C6orf52: variants seen among roughly 807,000 people sequenced by gnomAD.
The protein encoded by C6orf52 is chromosome 6 open reading frame 52.
Under a neutral mutation model 16.6 loss-of-function variants are expected in C6orf52, and 16 were observed. That is an observed-to-expected ratio of 0.96 (90% CI 0.65 to 1.46). C6orf52 has a LOEUF of 1.46. C6orf52 is among the 40% of genes most tolerant of loss of function. C6orf52 has a pLI of 0.00. For missense variants in C6orf52, 166 were observed against 182.3 expected, an observed-to-expected ratio of 0.91 and a Z score of 0.52; for synonymous variants, 53 against 61.4, an observed-to-expected ratio of 0.86 and a Z score of 0.64.
chr6:10,673,925 T>C (rs1010430376), intron 4 of C6orf52, among the ~76,000 whole-genome samples: 2 of 152,210 alleles, frequency 1.3e-5, no homozygotes, highest in Non-Finnish European at 2.9e-5. Context: ...TTAATTTTTA[T>C]ATTGATTGCA....
chr6:10,674,989 T>G (rs2127460159), intron 4 of C6orf52, among the ~76,000 whole-genome samples: 1 of 152,136 alleles, frequency 6.6e-6, no homozygotes, highest in East Asian at 1.9e-4. Context: ...TTTTGTATCT[T>G]TAATAGAGAT....
Position 10,684,543 on chromosome 6 carries a change from G to A in C6orf52, c.271-1311C>T, listed in dbSNP as rs186670901. On this transcript the variant is annotated intron_variant, in intron 3 of 4. Transcript: ENST00000259983. ...ACCTGTGCTGTGTATGCAGCTGGCTGCCTTTAAAGAAAAGCACATTTATAA... is the reference window on the plus strand; with the variant it reads ...ACCTGTGCTGTGTATGCAGCTGGCTACCTTTAAAGAAAAGCACATTTATAA... Among the ~76,000 whole-genome samples the A allele has an allele frequency of 2.0e-4, 31 of 152,358 alleles. No individual in the cohort carries two copies. The South Asian group carries it at 4.6e-3, about 22-fold the overall frequency.
At chr6:10,671,676 CT>C in intron 4 of C6orf52, 78 bp from the exon 5 acceptor site, 1 of 996,054 alleles carries the variant, frequency 1.0e-6, no homozygotes, top group Non-Finnish European at 1.4e-6. Flanking sequence ...AATTAGAAAG[CT>C]TTTAGAAAGC....
chr6:10,680,353 G>A (rs560992180), intron 4 of C6orf52, among the ~76,000 whole-genome samples: 11 of 152,250 alleles, frequency 7.2e-5, no homozygotes, highest in Admixed American at 2.0e-4. Context: ...CTATCCTTGC[G>A]TCCCTGGGAT....
At chr6:10,672,596 T>G (rs908524605) in intron 4 of C6orf52, 3 of 701,912 alleles carry the variant, frequency 4.3e-6, no homozygotes. Flanking sequence ...TGCTTAAATC[T>G]GGGAGTTTGA....
chr6:10,693,915 G>A (rs573922182), intron 1 of C6orf52, among the ~76,000 whole-genome samples: 5 of 152,098 alleles, frequency 3.3e-5, no homozygotes, highest in Non-Finnish European at 7.3e-5. Flanking sequence ...TTTTTGTAGA[G>A]ACGGCATCAA....
At chr6:10,672,234 T>C (rs182205430) in intron 4 of C6orf52, among the ~76,000 whole-genome samples, 1 of 152,298 alleles carries the variant, frequency 6.6e-6, no homozygotes, top group Non-Finnish European at 1.5e-5. Context: ...ATTTTTTTCC[T>C]CTCCTTGTAC....
At chr6:10,673,834 C>T (rs1767633030) in intron 4 of C6orf52, among the ~76,000 whole-genome samples, 1 of 151,792 alleles carries the variant, frequency 6.6e-6, no homozygotes, top group Non-Finnish European at 1.5e-5. Flanking sequence ...CCTCAATCTG[C>T]AGGTGAGGGG....
intron 4 of C6orf52, among the ~76,000 whole-genome samples, chr6:10,678,334 T>A (rs949206661): frequency 7.9e-5 from 12 of 152,238 alleles, no homozygotes; most frequent in African/African-American, 2.9e-4. Flanking sequence ...CAACACTTTA[T>A]AGTGTTCAGT....
At chr6:10,672,783 C>A (rs760700387) in intron 4 of C6orf52, 10 of 531,522 alleles carry the variant, frequency 1.9e-5, no homozygotes, top group Non-Finnish European at 3.3e-5. Context: ...TCGCCAGAAA[C>A]CAAATTATCC....
chr6:10,683,680 C>G (rs1768605115), intron 3 of C6orf52, among the ~76,000 whole-genome samples: 1 of 152,206 alleles, frequency 6.6e-6, no homozygotes, highest in Non-Finnish European at 1.5e-5. Flanking sequence ...CTAATCACAT[C>G]CTCAAACCCG....
chr6:10,690,484 TGAGA>T (rs1027561947), intron 1 of C6orf52, among the ~76,000 whole-genome samples: 4 of 152,142 alleles, frequency 2.6e-5, no homozygotes, highest in African/African-American at 9.7e-5. Flanking sequence ...CCTGTCACAT[TGAGA>T]AAGAGGAGAA....
At chr6:10,674,560 A>C (rs955501811) in intron 4 of C6orf52, 2 of 152,174 alleles carry the variant, frequency 1.3e-5, no homozygotes, top group Non-Finnish European at 2.9e-5. Flanking sequence ...CAAAGGATCA[A>C]ATAACTACCT....
intron 1 of C6orf52, among the ~76,000 whole-genome samples, chr6:10,691,833 G>C (rs1442370990): frequency 6.6e-6 from 1 of 151,850 alleles, no homozygotes; most frequent in Admixed American, 6.6e-5. Context: ...TAAGTTTTGG[G>C]GTTTTTTTTT....
chr6:10,686,685 G>A lies in C6orf52; in HGVS notation c.270+281C>T, dbSNP rs547247488. ...TTTGTGTTGTTTCTAGAAGAGAATG[G>A]GAAATTATCTGCAAGTGAACACTTC... is the stretch of plus-strand genomic sequence containing the variant. On this transcript the variant is annotated intron_variant, in intron 3 of 4. Coordinates refer to ENST00000259983, the MANE Select transcript of C6orf52 (RefSeq NM_001145020.3). Among the ~76,000 whole-genome samples, 131 of 152,174 alleles carry A rather than the reference G, an allele frequency of 8.6e-4. 1 individual carries two copies. The highest frequency in any genetic ancestry group is 2.9e-3 in the African/African-American group (119 of 41,502).
intron 1 of C6orf52, among the ~76,000 whole-genome samples, chr6:10,694,097 T>TA (rs982444669): frequency 2.0e-5 from 3 of 151,640 alleles, no homozygotes; most frequent in African/African-American, 7.3e-5. Flanking sequence ...CTGTCTCTAC[T>TA]AAAAAATACA....
chr6:10,681,642 T>C (rs895642481), intron 4 of C6orf52, among the ~76,000 whole-genome samples: 10 of 152,174 alleles, frequency 6.6e-5, no homozygotes, highest in Non-Finnish European at 1.5e-4. Context: ...ACACTTCCTA[T>C]AAGAAAGGTA....
chr6:10,671,530 C>A lies in C6orf52; in HGVS notation c.385G>T (p.Asp129Tyr), dbSNP rs922132631. The change falls in exon 5 of 5, where the codon GAC becomes TAC. Residue 129 changes from aspartate (D) to tyrosine (Y), a missense_variant. Transcript: ENST00000259983. ...EFMVKSEELY[D>Y]SLMNCHWQPL... ...TGCCAGTGGCAATTCATGAGGGAGT[C>A]GTAGAGTTCTTCACTTTTCACCATA... is the stretch of plus-strand genomic sequence containing the variant. 6.5e-7 allele frequency: 1 copy of A among 1,548,976 alleles called. No homozygotes were observed. Among genetic ancestry groups the A allele is most frequent in the South Asian group, 1.2e-5 (1 of 83,912 alleles).
intron 4 of C6orf52, among the ~76,000 whole-genome samples, chr6:10,678,869 A>C (rs7750594): frequency 0.069 from 10,524 of 151,812 alleles, 1,049 homozygotes; most frequent in African/African-American, 0.22. Context: ...CGGAGGCAGG[A>C]AGATCATGAG....
Sources: allele counts gnomAD v4.1 joint callset (sites outside exome capture counted in the v4.1 genomes callset), GRCh38; gene constraint gnomAD v4.1.1; transcripts MANE v1.5; gene names NCBI Gene and HGNC (gene_info 2026-07-23, HGNC 2026-07-21).